ZDHHC2: variants seen among roughly 807,000 people sequenced by gnomAD.
ZDHHC2 encodes zDHHC palmitoyltransferase 2, also known as palmitoyltransferase ZDHHC2.
Under a neutral mutation model 55.6 loss-of-function variants are expected in ZDHHC2, and 51 were observed. That is an observed-to-expected ratio of 0.92 (90% confidence interval 0.73 to 1.16). The LOEUF is 1.16. Ranked by LOEUF, ZDHHC2 falls within the 50% of genes most tolerant of loss-of-function variation. ZDHHC2 has a pLI of 0.00. For missense variants in ZDHHC2, 491 were observed against 442.4 expected (o/e 1.11, Z -0.99); for synonymous variants, 199 against 152.9 (o/e 1.30, Z -2.22).
chr8:17,203,379 T>C (rs999573883), intron 6 of ZDHHC2, among the ~76,000 whole-genome samples: 3 of 152,102 alleles, frequency 2.0e-5, no homozygotes, highest in African/African-American at 7.2e-5. Context: ...TACAGCCATG[T>C]GCCACCATGC....
intron 1 of ZDHHC2, among the ~76,000 whole-genome samples, chr8:17,183,255 T>C (rs986035226): frequency 7.2e-5 from 11 of 152,188 alleles, no homozygotes; most frequent in Non-Finnish European, 2.9e-5. Context: ...CACTGAAGGA[T>C]TGGAAATTTT....
chr8:17,211,355 A>G (rs1563169302), intron 10 of ZDHHC2, among the ~76,000 whole-genome samples: 2 of 152,134 alleles, frequency 1.3e-5, no homozygotes, highest in South Asian at 4.1e-4. Context: ...ATCCACACCA[A>G]CACTCCATAT....
chr8:17,187,689 CTAG>C (rs1805785381), intron 3 of ZDHHC2, among the ~76,000 whole-genome samples: 1 of 152,000 alleles, frequency 6.6e-6, no homozygotes, highest in Non-Finnish European at 1.5e-5. Flanking sequence ...CATCCTGTCC[CTAG>C]TAGTAGGTTT....
intron 1 of ZDHHC2, among the ~76,000 whole-genome samples, chr8:17,170,049 C>G (rs1804782259): frequency 6.6e-6 from 1 of 152,162 alleles, no homozygotes; most frequent in African/African-American, 2.4e-5. Context: ...CATACTGTTT[C>G]AGCAATTGCT....
At chr8:17,204,181 T>C (rs544518231) in intron 6 of ZDHHC2, among the ~76,000 whole-genome samples, 1 of 152,374 alleles carries the variant, frequency 6.6e-6, no homozygotes, top group South Asian at 2.1e-4. Context: ...TCTAATGCTA[T>C]TCCCTTTACC....
At chr8:17,210,262 A>T in intron 9 of ZDHHC2, 126 bp from the exon 10 acceptor site, 1 of 1,078,962 alleles carries the variant, frequency 9.3e-7, no homozygotes, top group Non-Finnish European at 1.3e-6. Context: ...GTTGAGCTCA[A>T]TGTCTAATAC....
intron 1 of ZDHHC2, among the ~76,000 whole-genome samples, chr8:17,184,152 ACTTCTT>A (rs772916502): frequency 6.6e-6 from 1 of 151,694 alleles, no homozygotes; most frequent in Non-Finnish European, 1.5e-5. Context: ...ACTAAATACA[ACTTCTT>A]GCCGCAGCTT....
At chr8:17,168,544 T>C (rs1267233831) in intron 1 of ZDHHC2, among the ~76,000 whole-genome samples, 1 of 152,208 alleles carries the variant, frequency 6.6e-6, no homozygotes, top group Admixed American at 6.5e-5. Flanking sequence ...TACAGATTAG[T>C]GTCATTAAGT....
At chr8:17,194,193 G>A (rs531281420) in intron 3 of ZDHHC2, among the ~76,000 whole-genome samples, 2 of 152,048 alleles carry the variant, frequency 1.3e-5, no homozygotes, top group Admixed American at 6.5e-5. Context: ...TTGGTTCCAA[G>A]CCTTCGCTAT....
chr8:17,168,001 CAT>C (rs1002383015), intron 1 of ZDHHC2, among the ~76,000 whole-genome samples: 40 of 152,276 alleles, frequency 2.6e-4, no homozygotes, highest in South Asian at 1.0e-3. Flanking sequence ...GACCTTCTAA[CAT>C]GTGTTTCAAT....
chr8:17,179,464 A>G (rs1376448973), intron 1 of ZDHHC2, among the ~76,000 whole-genome samples: 2 of 152,120 alleles, frequency 1.3e-5, no homozygotes, highest in African/African-American at 4.8e-5. Flanking sequence ...GCTGGAGTAC[A>G]GTGATGTGAT....
intron 3 of ZDHHC2, among the ~76,000 whole-genome samples, chr8:17,189,683 G>T (rs1334444921): frequency 6.6e-6 from 1 of 152,144 alleles, no homozygotes; most frequent in Non-Finnish European, 1.5e-5. Context: ...AGTAGAGAAG[G>T]TTTGAAATAG....
At chr8:17,157,152 C>T (rs918512622) in intron 1 of ZDHHC2, among the ~76,000 whole-genome samples, 2 of 152,128 alleles carry the variant, frequency 1.3e-5, no homozygotes. Context: ...CCTAGAGGGG[C>T]GGAAGGTCCC....
intron 11 of ZDHHC2, among the ~76,000 whole-genome samples, chr8:17,216,487 C>CT (rs893288275): frequency 6.6e-6 from 1 of 152,160 alleles, no homozygotes; most frequent in Admixed American, 6.6e-5. Context: ...ATGGCAAGGA[C>CT]TAGGCATTGC....
chr8:17,201,636 G>T lies in ZDHHC2; in HGVS notation c.476+3223G>T, dbSNP rs544116926. On this transcript the variant is annotated intron_variant, in intron 6 of 12. Transcript: ENST00000262096. The stretch of plus-strand genomic sequence containing the variant: ...GCCTCCCAAGTAGCTGGGACTATAG[G>T]CGCCCACCACTACGCCTCACGGTTT... Among the ~76,000 whole-genome samples, 3 of 148,534 alleles carry T rather than the reference G, an allele frequency of 2.0e-5. No individual in the cohort carries two copies. The Admixed American group carries it at 2.0e-4, about 10-fold the overall frequency.
rs915060316 is a variant in ZDHHC2 at position 17,224,198 on chromosome 8, T to G, written c.*3977T>G. 1 of 151,716 alleles carries G rather than the reference T, an allele frequency of 6.6e-6. No individual in the cohort carries two copies. The highest frequency in any genetic ancestry group is 2.4e-5 in the African/African-American group (1 of 41,404). 9.4% of individuals were successfully genotyped at this position (151,716 alleles called of 1,614,324 possible). A position where few individuals can be genotyped will look rare whatever the true frequency, so the allele number is the denominator to read the frequency against. The stretch of plus-strand genomic sequence containing the variant: ...TGGGCAATGCCAACAGAAGACACTT[T>G]TAATCATTTGCAGACCTTTCTTGTT... On this transcript the variant is annotated 3_prime_UTR_variant, in exon 13 of 13. Transcript: ENST00000262096.
intron 4 of ZDHHC2, 115 bp from the exon 5 acceptor site, chr8:17,197,465 CAT>C (rs1013858645): frequency 2.4e-6 from 2 of 838,970 alleles, no homozygotes; most frequent in Non-Finnish European, 1.8e-6. Flanking sequence ...ATTTTTTTAC[CAT>C]ATTTAAATTT....
At chr8:17,198,932 G>A (rs547002108) in intron 6 of ZDHHC2, among the ~76,000 whole-genome samples, 4 of 152,140 alleles carry the variant, frequency 2.6e-5, no homozygotes, top group South Asian at 2.1e-4. Flanking sequence ...TCTCAGTCAC[G>A]AAATCAGGTA....
intron 10 of ZDHHC2, 74 bp from the exon 11 acceptor site, chr8:17,215,163 C>T (rs2150949640): frequency 7.3e-7 from 1 of 1,372,206 alleles, no homozygotes; most frequent in Non-Finnish European, 1.0e-6. Context: ...TGGTTCCATA[C>T]ATTGAGAAAC....
Sources: allele counts gnomAD v4.1 joint callset (sites outside exome capture counted in the v4.1 genomes callset), GRCh38; gene constraint gnomAD v4.1.1; transcripts MANE v1.5; gene names NCBI Gene and HGNC (gene_info 2026-07-23, HGNC 2026-07-21).